The following CPM variants were observed in gnomAD, a reference collection of about 807,000 sequenced individuals.
CPM encodes carboxypeptidase M, also known as renal carboxypeptidase.
A neutral mutation model predicts 46.4 loss-of-function variants in CPM; 35 were observed. That is an observed-to-expected ratio of 0.75 (90% CI 0.58 to 1.00). The LOEUF is 1.00. Ranked by LOEUF, CPM falls within the 50% of genes least tolerant of loss-of-function variation. The pLI, the probability that CPM is intolerant of heterozygous loss-of-function variation, is 0.00. For synonymous variants in CPM, 195 were observed against 195.3 expected (o/e 1.00, Z 0.01); for missense variants, 422 against 530.4 (o/e 0.80, Z 2.01).
chr12:68,938,897 A>C (rs1382896193), intron 1 of CPM, among the ~76,000 whole-genome samples: 2 of 144,216 alleles, frequency 1.4e-5, no homozygotes, highest in Non-Finnish European at 3.0e-5. Flanking sequence ...ATATATGTAC[A>C]TACATATATA....
intron 1 of CPM, among the ~76,000 whole-genome samples, chr12:68,951,714 A>T (rs1888937953): frequency 6.6e-6 from 1 of 152,168 alleles, no homozygotes; most frequent in Non-Finnish European, 1.5e-5. Flanking sequence ...GAGGCATGGA[A>T]ACTGGGAGGT....
At chr12:68,954,086 T>C (rs1888976355) in intron 1 of CPM, among the ~76,000 whole-genome samples, 1 of 152,232 alleles carries the variant, frequency 6.6e-6, no homozygotes, top group Admixed American at 6.5e-5. Flanking sequence ...TCATGCTGGT[T>C]AATTTAGGAG....
intron 2 of CPM, among the ~76,000 whole-genome samples, chr12:68,916,169 A>C (rs569910340): frequency 6.0e-4 from 91 of 152,316 alleles, no homozygotes; most frequent in African/African-American, 2.1e-3. Flanking sequence ...ATTATGTTTA[A>C]ATCTAGGTAT....
intron 8 of CPM, among the ~76,000 whole-genome samples, chr12:68,857,672 T>G (rs1475529691): frequency 6.6e-6 from 1 of 152,190 alleles, no homozygotes; most frequent in Admixed American, 6.5e-5. Context: ...CTCATTGGTA[T>G]GTATTTTACA....
chr12:68,938,356 C>T (rs532178141), intron 1 of CPM, among the ~76,000 whole-genome samples: 3 of 151,770 alleles, frequency 2.0e-5, no homozygotes, highest in South Asian at 2.1e-4. Context: ...GAGCCATGAT[C>T]GCATGGCACT....
At chr12:68,947,983 A>T (rs1221467471) in intron 1 of CPM, among the ~76,000 whole-genome samples, 4 of 152,162 alleles carry the variant, frequency 2.6e-5, no homozygotes, top group Non-Finnish European at 1.5e-5. Flanking sequence ...AACTCTCAAG[A>T]TCCAAAATAG....
chr12:68,892,229 C>A (rs1388303847), intron 2 of CPM, among the ~76,000 whole-genome samples: 1 of 152,082 alleles, frequency 6.6e-6, no homozygotes, highest in Non-Finnish European at 1.5e-5. Context: ...CAAAGAAAAA[C>A]AAAAGAAACG....
intron 1 of CPM, among the ~76,000 whole-genome samples, chr12:68,946,202 A>G (rs566166262): frequency 2.6e-4 from 40 of 152,066 alleles, no homozygotes; most frequent in Middle Eastern, 6.8e-3. Flanking sequence ...GTTTTTTTTG[A>G]AACATAATTT....
chr12:68,842,609 G>A (rs1485894937), intron 5 of CPM: 3 of 292,540 alleles, frequency 1.0e-5, no homozygotes, highest in African/African-American at 4.8e-5. Flanking sequence ...GAAGTGAAAT[G>A]TGGACATAAA....
rs888697391 is a variant in CPM at position 68,854,863 on chromosome 12, A to AT, written c.*1573dup. ...AATTCATCAATATTTATCAGCACCAATTTTTTTTTTTAAGACAGAGTCTCA... is the reference window on the plus strand; with the variant it reads ...AATTCATCAATATTTATCAGCACCAATTTTTTTTTTTTAAGACAGAGTCTCA... On this transcript the variant is annotated 3_prime_UTR_variant, in exon 9 of 9. Transcript: ENST00000551568. 53 of 147,446 alleles carry AT rather than the reference A, an allele frequency of 3.6e-4. No individual in the cohort carries two copies. Among genetic ancestry groups the AT allele is most frequent in the Middle Eastern group, 7.0e-3 (2 of 284 alleles). The allele number at this position is 147,446 out of a possible 1,614,324, so 9.1% of individuals were successfully genotyped here.
chr12:68,920,219 A>C (rs923300959), intron 2 of CPM, among the ~76,000 whole-genome samples: 2 of 152,236 alleles, frequency 1.3e-5, no homozygotes, highest in Admixed American at 6.5e-5. Context: ...CGCTTAGCCA[A>C]TTAAACCTCT....
intron 2 of CPM, among the ~76,000 whole-genome samples, chr12:68,905,039 G>C (rs971616195): frequency 2.0e-5 from 3 of 151,986 alleles, no homozygotes; most frequent in African/African-American, 7.3e-5. Flanking sequence ...CTCCCGAGTA[G>C]CTGGAATTAC....
chr12:68,955,961 G>A (rs1889010874), intron 1 of CPM, among the ~76,000 whole-genome samples: 2 of 152,158 alleles, frequency 1.3e-5, no homozygotes, highest in East Asian at 1.9e-4. Context: ...GCTTGGAGGT[G>A]GGGCTTCACT....
rs1483521276 is a variant in CPM at position 68,851,312 on chromosome 12, A to G, written c.*5125T>C. ...ATTTTAATAAATTCTTAGTTATAGT[A>G]TTAAAGAAAGTGGCTGGGCGCGGGG... On this transcript the variant is annotated 3_prime_UTR_variant, in exon 9 of 9. Coordinates refer to ENST00000551568, the MANE Select transcript of CPM (RefSeq NM_198320.5). 1 of 152,544 alleles carries G rather than the reference A, an allele frequency of 6.6e-6. No homozygotes were observed. Among genetic ancestry groups the G allele is most frequent in the Non-Finnish European group, 1.5e-5 (1 of 68,016 alleles). The allele number at this position is 152,544 out of a possible 1,614,324, so 9.4% of individuals were successfully genotyped here.
At chr12:68,933,641 G>T (rs1020331077), upstream of CPM, among the ~76,000 whole-genome samples, 2 of 152,186 alleles carry the variant, frequency 1.3e-5, no homozygotes, top group Non-Finnish European at 1.5e-5. Flanking sequence ...CCCCGCGCGG[G>T]CTCCTGCGGG....
At chr12:68,944,273 G>A (rs943110313) in intron 1 of CPM, among the ~76,000 whole-genome samples, 2 of 152,210 alleles carry the variant, frequency 1.3e-5, no homozygotes, top group Non-Finnish European at 2.9e-5. Context: ...GAGAAACATA[G>A]TCCTCACTTT....
intron 1 of CPM, 67 bp downstream of exon 1, chr12:68,933,075 C>A: frequency 2.3e-6 from 1 of 429,904 alleles, no homozygotes. Context: ...TCTCCTCCTC[C>A]TCCTGGCGCC....
chr12:68,866,088 C>T (rs1435218300), intron 7 of CPM, among the ~76,000 whole-genome samples: 1 of 152,146 alleles, frequency 6.6e-6, no homozygotes, highest in Admixed American at 6.5e-5. Flanking sequence ...GGACATCTGG[C>T]AGAGTTCGGA....
chr12:68,939,202 C>T (rs1303887873), intron 1 of CPM, among the ~76,000 whole-genome samples: 5 of 143,722 alleles, frequency 3.5e-5, no homozygotes. Flanking sequence ...TATGTACATC[C>T]CATAATGTAT....
Sources: allele counts gnomAD v4.1 joint callset (sites outside exome capture counted in the v4.1 genomes callset), GRCh38; gene constraint gnomAD v4.1.1; transcripts MANE v1.5; gene names NCBI Gene and HGNC (gene_info 2026-07-23, HGNC 2026-07-21).